QRSL1: variants seen among roughly 807,000 people sequenced by gnomAD.
QRSL1 encodes the protein glutaminyl-tRNA amidotransferase subunit QRSL1.
QRSL1 carries 54 observed loss-of-function variants against 61.6 expected under a neutral mutation model. The observed-to-expected ratio is 0.88, with a 90% CI of 0.70 to 1.10. The LOEUF is 1.10. QRSL1 is among the 50% of genes least tolerant of loss of function. The pLI is 0.00. For synonymous variants in QRSL1, 228 were observed against 225.7 expected (o/e 1.01, Z -0.09); for missense variants, 505 against 622.6 (o/e 0.81, Z 2.01).
chr6:106,640,638 T>G lies in QRSL1; in HGVS notation c.184+130T>G. ...TTATTTAAAGAACTTGCCATGAGGA[T>G]AATAAAAATGAGGGTAATGGCTATG... is the stretch of plus-strand genomic sequence containing the variant. On this transcript the variant is annotated intron_variant, in intron 2 of 10. Transcript: ENST00000369046. 3.0e-6 allele frequency: 3 copies of G among 1,004,206 alleles called. No homozygotes were observed. In the South Asian group the frequency reaches 5.1e-5, roughly 17 times the overall value. The allele number at this position is 1,004,206 out of a possible 1,614,324, so 62.2% of individuals were successfully genotyped here.
intron 7 of QRSL1, among the ~76,000 whole-genome samples, chr6:106,654,117 C>T (rs889136134): frequency 1.7e-4 from 26 of 152,114 alleles, no homozygotes; most frequent in African/African-American, 5.8e-4. Context: ...TTTGGGAGGC[C>T]GAGGCGGGCA....
At chr6:106,665,517 C>G (rs1231236749) in intron 10 of QRSL1, among the ~76,000 whole-genome samples, 1 of 152,140 alleles carries the variant, frequency 6.6e-6, no homozygotes, top group South Asian at 2.1e-4. Flanking sequence ...GACTGGTTTA[C>G]TCAATTATGG....
At chr6:106,644,356 CT>C (rs1217929714) in intron 4 of QRSL1, among the ~76,000 whole-genome samples, 3 of 152,142 alleles carry the variant, frequency 2.0e-5, no homozygotes, top group African/African-American at 7.2e-5. Flanking sequence ...TGGGGTTTAT[CT>C]GTGTTACCCA....
intron 4 of QRSL1, among the ~76,000 whole-genome samples, chr6:106,647,851 C>T (rs765743883): frequency 2.0e-5 from 3 of 149,232 alleles, no homozygotes; most frequent in Admixed American, 6.7e-5. Context: ...GGGGTTTCAC[C>T]GTGTTATCCA....
chr6:106,660,241 C>G (rs1443745810), intron 9 of QRSL1, among the ~76,000 whole-genome samples: 1 of 152,164 alleles, frequency 6.6e-6, no homozygotes, highest in Non-Finnish European at 1.5e-5. Context: ...CTTGGTCACC[C>G]AAGCCGGAGT....
At chr6:106,634,726 C>T (rs1436263096) in intron 1 of QRSL1, among the ~76,000 whole-genome samples, 2 of 151,508 alleles carry the variant, frequency 1.3e-5, no homozygotes, top group Admixed American at 6.6e-5. Context: ...AGATCACATC[C>T]GTGCACTCCA....
chr6:106,655,545 C>G (rs1483618403), intron 8 of QRSL1, 70 bp from the exon 9 acceptor site: 1 of 878,600 alleles, frequency 1.1e-6, no homozygotes, highest in Non-Finnish European at 1.8e-6. Flanking sequence ...TGAATCTAGG[C>G]CTGATTTTAG....
chr6:106,648,433 T>C (rs1025824350), intron 4 of QRSL1, among the ~76,000 whole-genome samples: 3 of 152,230 alleles, frequency 2.0e-5, no homozygotes, highest in African/African-American at 7.2e-5. Context: ...GATATACATG[T>C]AAGTTACCCT....
rs1256446179 is a variant in QRSL1, at chr6:106,666,781, T to C, written c.*779T>C. ...AGTGCGATTATTGGCTTCTGAGCGC[T>C]GAGCAGAGCAGGTGGAAGAGGAACT... is the stretch of plus-strand genomic sequence containing the variant. On this transcript the variant is annotated 3_prime_UTR_variant, in exon 11 of 11. Coordinates refer to ENST00000369046, the MANE Select transcript of QRSL1 (RefSeq NM_018292.5). 6.6e-6 allele frequency: 1 copy of C among 152,318 alleles called. No homozygotes were observed. Among genetic ancestry groups the C allele is most frequent in the Non-Finnish European group, 1.5e-5 (1 of 68,144 alleles). 9.4% of individuals were successfully genotyped at this position (152,318 alleles called of 1,614,324 possible).
intron 1 of QRSL1, among the ~76,000 whole-genome samples, chr6:106,639,900 A>G (rs569389222): frequency 1.2e-3 from 189 of 152,294 alleles, no homozygotes; most frequent in Non-Finnish European, 2.5e-3. Flanking sequence ...CACAATAGGT[A>G]TAAAGATCTT....
At chr6:106,661,336 C>T (rs74926227) in intron 9 of QRSL1, among the ~76,000 whole-genome samples, 4,936 of 152,098 alleles carry the variant, frequency 0.032, 272 homozygotes, top group East Asian at 0.19. Flanking sequence ...AAGCTGGTCT[C>T]GAACTCCTGA....
intron 9 of QRSL1, among the ~76,000 whole-genome samples, chr6:106,656,146 G>A (rs1217797308): frequency 6.6e-6 from 1 of 152,202 alleles, no homozygotes; most frequent in Non-Finnish European, 1.5e-5. Flanking sequence ...CAGGAGGTGT[G>A]CATAGGTTTT....
Position 106,663,187 on chromosome 6 carries a change from T to C in QRSL1, c.1366+2T>C, listed in dbSNP as rs374269566. 3.1e-6 allele frequency: 5 copies of C among 1,605,138 alleles called. No individual in the cohort carries two copies. In the South Asian group the frequency reaches 5.5e-5, roughly 18 times the overall value. ...TTACACAAGCTGTAAATATGGCAGG[T>C]GAGGATTCCTCAGGAACATTCTGAT... On this transcript the variant is annotated splice_donor_variant, in intron 10 of 10. Transcript: ENST00000369046. LOFTEE classifies it high-confidence loss of function.
chr6:106,640,515 TGC>T lies in QRSL1; in HGVS notation c.184+8_184+9del. Reference sequence around the variant, plus strand: ...GAAAAGAGATATAAGAATGGTAAATTGCTTTTAACTATACTTAATTGTTATAT... The same window carrying T: ...GAAAAGAGATATAAGAATGGTAAATTTTTTAACTATACTTAATTGTTATAT... On this transcript the variant is annotated splice_region_variant and intron_variant, in intron 2 of 10. Transcript: ENST00000369046. The T allele has an allele frequency of 6.5e-7, 1 of 1,545,468 alleles. No individual in the cohort carries two copies. The highest frequency in any genetic ancestry group is 8.7e-7 in the Non-Finnish European group (1 of 1,149,054).
intron 1 of QRSL1, among the ~76,000 whole-genome samples, chr6:106,638,928 C>G (rs565323481): frequency 6.6e-6 from 1 of 152,226 alleles, no homozygotes. Flanking sequence ...ACACTGTCAA[C>G]TTGGAGGACA....
In QRSL1 at chr6:106,649,143, A is replaced by T; in HGVS notation, c.499A>T (p.Ile167Leu). The T allele has an allele frequency of 6.2e-7, 1 of 1,614,202 alleles. No homozygotes were observed. Among genetic ancestry groups the T allele is most frequent in the South Asian group, 1.1e-5 (1 of 91,086 alleles). ...HSENEDSDWLITGGSSGGSAA... is the reference protein window; with the variant it reads ...HSENEDSDWLLTGGSSGGSAA... The stretch of plus-strand genomic sequence containing the variant: ...CGAGAATGAAGATTCAGACTGGCTG[A>T]TAACTGGAGGAAGCTCAGGTGGGAG... Residue 167 changes from isoleucine (I) to leucine (L), a missense_variant, in exon 5 of 11, where the codon ATA becomes TTA. Coordinates refer to ENST00000369046, the MANE Select transcript of QRSL1 (RefSeq NM_018292.5).
chr6:106,640,297 A>G lies in QRSL1; in HGVS notation c.25-52A>G, dbSNP rs147592492. The stretch of plus-strand genomic sequence containing the variant: ...TCCCCCCACCCCCACCAATATAACA[A>G]TTGAAACTTCTGCAGACTCAGTAAA... On this transcript the variant is annotated intron_variant, in intron 1 of 10. Transcript: ENST00000369046. The G allele has an allele frequency of 1.2e-4, 185 of 1,520,664 alleles. No individual in the cohort carries two copies. In the African/African-American group the frequency reaches 2.2e-3, roughly 18 times the overall value. 94.2% of individuals were successfully genotyped at this position (1,520,664 alleles called of 1,614,324 possible).
At position 106,649,074 on chromosome 6, in the gene QRSL1, T is replaced by G. The variant is rs1227658668; in HGVS notation, c.430T>G (p.Tyr144Asp). 1.2e-6 allele frequency: 2 copies of G among 1,613,918 alleles called. No homozygotes were observed. Among genetic ancestry groups the G allele is most frequent in the Non-Finnish European group, 1.7e-6 (2 of 1,180,004 alleles). ...TGGACCAGTTAAAAACCCCTGGAGTTATTCAAAACAATATAGAGAAAAGAG... is the reference window on the plus strand; with the variant it reads ...TGGACCAGTTAAAAACCCCTGGAGTGATTCAAAACAATATAGAGAAAAGAG... ...VFGPVKNPWS[Y>D]SKQYREKRKQ... The change falls in exon 5 of 11, where the codon TAT (tyrosine) becomes GAT (aspartate). Residue 144 changes from tyrosine to aspartate, a missense_variant. Coordinates refer to ENST00000369046, the MANE Select transcript of QRSL1 (RefSeq NM_018292.5).
chr6:106,651,959 C>T (rs749218560), intron 5 of QRSL1, among the ~76,000 whole-genome samples: 3 of 151,980 alleles, frequency 2.0e-5, no homozygotes, highest in Admixed American at 6.6e-5. Context: ...ATTATCTCAA[C>T]GGTGAAAAAA....
Sources: gnomAD v4.1 joint callset for allele counts (sites outside exome capture counted in the v4.1 genomes callset) on GRCh38, gnomAD v4.1.1 for gene constraint, MANE v1.5 for transcripts, NCBI Gene and HGNC (gene_info 2026-07-23, HGNC 2026-07-21) for gene names.